The following PLD4 variants were observed in gnomAD, a reference collection of about 807,000 sequenced individuals.
The protein encoded by PLD4 is phospholipase D family member 4, also known as 5'-3' exonuclease PLD4.
A neutral mutation model predicts 52.3 loss-of-function variants in PLD4; 54 were observed. That is an observed-to-expected ratio of 1.03 (90% CI 0.83 to 1.30). PLD4 has a LOEUF of 1.30. PLD4 is among the 50% of genes most tolerant of loss of function. PLD4 has a pLI of 0.00. For missense variants in PLD4, 731 were observed against 671.1 expected (o/e 1.09, Z -0.99); for synonymous variants, 264 against 286.5 (o/e 0.92, Z 0.79).
chr14:104,932,127 C>CGGTCCCT lies in PLD4; in HGVS notation c.1176_1182dup (p.Gln395ValfsTer90). The CGGTCCCT allele has an allele frequency of 6.2e-7, 1 of 1,611,408 alleles. No individual in the cohort carries two copies. The highest frequency in any genetic ancestry group is 8.5e-7 in the Non-Finnish European group (1 of 1,179,378). Reference sequence around the variant, plus strand: ...GGACCCCACCATGTTCCCCTACCTGCGGTCCCTGCAGGCGCTCAGCAACCC... The same window carrying CGGTCCCT: ...GGACCCCACCATGTTCCCCTACCTGCGGTCCCTGGTCCCTGCAGGCGCTCAGCAACCC... On this transcript the variant is annotated frameshift_variant, in exon 9 of 11. Coordinates refer to ENST00000392593, the MANE Select transcript of PLD4 (RefSeq NM_138790.5). LOFTEE classifies it high-confidence loss of function. The surrounding 1 kb of genome is among the most constrained non-coding windows in gnomAD (Gnocchi z 6.5).
rs1469797446 is a variant in PLD4 at position 104,932,901 on chromosome 14, TTCGCGCTACGCCG to T, written c.1462_1474del (p.Arg488AlafsTer70). ...GGCAGCTCTTTGAGCGGGACTGGAG[TTCGCGCTACGCCG>T]TCGGCCTGGACGGACAGGCTCCGGG... On this transcript the variant is annotated frameshift_variant, in exon 11 of 11. Coordinates refer to ENST00000392593, the MANE Select transcript of PLD4 (RefSeq NM_138790.5). LOFTEE classifies it high-confidence loss of function. The surrounding 1 kb of genome is among the most constrained non-coding windows in gnomAD (Gnocchi z 6.5). 6.2e-7 allele frequency: 1 copy of T among 1,602,580 alleles called. No individual in the cohort carries two copies. Among genetic ancestry groups the T allele is most frequent in the South Asian group, 1.1e-5 (1 of 89,350 alleles).
downstream of PLD4, chr14:104,935,778 C>T (rs1566892713): frequency 6.6e-6 from 1 of 152,186 alleles, no homozygotes; most frequent in Admixed American, 6.5e-5. Context: ...CCTCCAGCCC[C>T]CAACTAGCAA....
At chr14:104,928,695 G>C in intron 3 of PLD4, 54 bp from the exon 4 acceptor site, 1 of 1,486,426 alleles carries the variant, frequency 6.7e-7, no homozygotes, top group South Asian at 1.3e-5. Context: ...GGTGATGTGA[G>C]GTGGGCTGGG....
At chr14:104,929,904 C>T (rs1314130280) in intron 5 of PLD4, 74 bp from the exon 6 acceptor site, 10 of 1,549,402 alleles carry the variant, frequency 6.5e-6, no homozygotes, top group African/African-American at 1.4e-5. Flanking sequence ...CTGTCAAGAG[C>T]TTGGGGTCAG....
Position 104,932,989 on chromosome 14 carries a change from A to C in PLD4, c.*25A>C. 6.5e-7 allele frequency: 1 copy of C among 1,527,610 alleles called. No homozygotes were observed. The highest frequency in any genetic ancestry group is 8.8e-7 in the Non-Finnish European group (1 of 1,139,500). The allele number at this position is 1,527,610 out of a possible 1,614,324, so 94.6% of individuals were successfully genotyped here. On this transcript the variant is annotated 3_prime_UTR_variant, in exon 11 of 11. Transcript: ENST00000392593. The surrounding 1 kb of genome is among the most constrained non-coding windows in gnomAD (Gnocchi z 6.5). ...AGGGGGGCCTCTTTTTCTCTCGGCG[A>C]CCCCGCCCCGCACGCGCCCTCCCCT...
chr14:104,928,616 ACTTGG>A, intron 3 of PLD4, 128 bp from the exon 4 acceptor site: 1 of 889,346 alleles, frequency 1.1e-6, no homozygotes, highest in Non-Finnish European at 1.7e-6. Context: ...TACCCTGCAC[ACTTGG>A]CCTGGGCTCA....
rs367836997 is a variant in PLD4 at position 104,928,213 on chromosome 14, G to A, written c.284+347G>A. The stretch of plus-strand genomic sequence containing the variant: ...TTCCCTCCCACCCTTCTTTCCCTGC[G>A]GTTGGGGTCCTGGAATCCCAGGACT... On this transcript the variant is annotated intron_variant, in intron 3 of 10. Coordinates refer to ENST00000392593, the MANE Select transcript of PLD4 (RefSeq NM_138790.5). Among the ~76,000 whole-genome samples the A allele has an allele frequency of 2.6e-5, 4 of 152,098 alleles. No homozygotes were observed. The East Asian group carries it at 5.8e-4, about 22-fold the overall frequency.
downstream of PLD4, chr14:104,934,151 G>T (rs536919621): frequency 6.0e-6 from 1 of 165,772 alleles, no homozygotes. Flanking sequence ...AGACAGGCGG[G>T]CGAGGGTAGG....
chr14:104,930,704 G>A, intron 6 of PLD4, 38 bp from the exon 7 acceptor site: 2 of 1,608,512 alleles, frequency 1.2e-6, no homozygotes, highest in Non-Finnish European at 1.7e-6. Context: ...CCCACAGAGG[G>A]GTTTTTCTCC....
rs762032870 is a variant in PLD4 at position 104,927,748 on chromosome 14, C to T, written c.166C>T (p.Arg56Cys). Residue 56 changes from arginine to cysteine, a missense_variant, in exon 3 of 11, where the codon CGT becomes TGT. Transcript: ENST00000392593. ...TATCTGCCTCCTGTGGCAAGTGCCC[C>T]GTCCTCCCACCTGGGGCCAGGTGCA... The part of the protein sequence containing the change: ...ALICLLWQVP[R>C]PPTWGQVQPK... The T allele has an allele frequency of 1.4e-5, 22 of 1,598,444 alleles. No homozygotes were observed. Among genetic ancestry groups the T allele is most frequent in the East Asian group, 4.5e-5 (2 of 44,534 alleles).
At chr14:104,928,662 TG>T in intron 3 of PLD4, 86 bp from the exon 4 acceptor site, 1 of 1,373,274 alleles carries the variant, frequency 7.3e-7, no homozygotes. Context: ...ACGGTTGCTC[TG>T]GCTTGGCAGT....
At chr14:104,935,148 TATC>T (rs1399309394), downstream of PLD4, 1 of 152,310 alleles carries the variant, frequency 6.6e-6, no homozygotes, top group East Asian at 1.9e-4. Context: ...CAGAAGCCGA[TATC>T]ATCCCAGACT....
Position 104,928,775 on chromosome 14 carries a change from A to T in PLD4, c.311A>T (p.Gln104Leu). The change falls in exon 4 of 11, where the codon CAG becomes CTG. Residue 104 changes from glutamine to leucine, a missense_variant. Gln to Leu is a moderately radical substitution (Grantham distance 113). Coordinates refer to ENST00000392593, the MANE Select transcript of PLD4 (RefSeq NM_138790.5). ...CTTGTCCTTGTGGAAAGCATCCCCC[A>T]GGACCTGCCATCTGCAGCCGGCAGC... ...CQLVLVESIP[Q>L]DLPSAAGSPS... 1 of 1,601,644 alleles carries T rather than the reference A, an allele frequency of 6.2e-7. No individual in the cohort carries two copies. The highest frequency in any genetic ancestry group is 8.5e-7 in the Non-Finnish European group (1 of 1,172,194).
At chr14:104,925,860 C>T (rs571513691) in intron 1 of PLD4, among the ~76,000 whole-genome samples, 1 of 152,078 alleles carries the variant, frequency 6.6e-6, no homozygotes, top group African/African-American at 2.4e-5. Flanking sequence ...GGGAGTTGGG[C>T]CGCAGTGACT....
chr14:104,932,422 C>G lies in PLD4; in HGVS notation c.1321+67C>G. 6.5e-7 allele frequency: 1 copy of G among 1,530,890 alleles called. No individual in the cohort carries two copies. Among genetic ancestry groups the G allele is most frequent in the Non-Finnish European group, 9.0e-7 (1 of 1,109,548 alleles). The allele number at this position is 1,530,890 out of a possible 1,614,324, so 94.8% of individuals were successfully genotyped here. A position where few individuals can be genotyped will look rare whatever the true frequency, so the allele number is the denominator to read the frequency against. On this transcript the variant is annotated intron_variant, in intron 10 of 10. Transcript: ENST00000392593. The surrounding 1 kb of genome is among the most constrained non-coding windows in gnomAD (Gnocchi z 6.5). ...CAGGCACGGGCGAGGGAGGCACTGGCTTTGTGACCGGCGTGGACACCTCAG... is the reference window on the plus strand; with the variant it reads ...CAGGCACGGGCGAGGGAGGCACTGGGTTTGTGACCGGCGTGGACACCTCAG...
intron 4 of PLD4, 64 bp downstream of exon 4, chr14:104,928,996 C>T: frequency 6.5e-7 from 1 of 1,534,636 alleles, no homozygotes; most frequent in Non-Finnish European, 8.8e-7. Flanking sequence ...GGCTGCCTAT[C>T]TATGCAGGCG....
chr14:104,931,960 ACCCCTATCGGG>A, intron 8 of PLD4, 41 bp from the exon 9 acceptor site: 1 of 1,527,182 alleles, frequency 6.5e-7, no homozygotes. Context: ...TCCTGCTGGG[ACCCCTATCGGG>A]CCCGGCTTGT....
chr14:104,928,650 C>T (rs1897534751), intron 3 of PLD4, 99 bp from the exon 4 acceptor site: 37 of 1,299,460 alleles, frequency 2.8e-5, no homozygotes, highest in Non-Finnish European at 3.8e-5. Flanking sequence ...GCCACCTGAG[C>T]AACGGTTGCT....
At chr14:104,929,820 C>T (rs1047921041) in intron 5 of PLD4, among the ~76,000 whole-genome samples, 158 bp from the exon 6 acceptor site, 9 of 152,168 alleles carry the variant, frequency 5.9e-5, no homozygotes, top group Non-Finnish European at 1.0e-4. Flanking sequence ...CCCTCTGTGT[C>T]CTCACCTATA....
Sources: gnomAD v4.1 joint callset for allele counts (sites outside exome capture counted in the v4.1 genomes callset) on GRCh38, gnomAD v4.1.1 for gene constraint, Gnocchi (gnomAD v3.1) non-coding constraint, MANE v1.5 for transcripts, NCBI Gene and HGNC (gene_info 2026-07-23, HGNC 2026-07-21) for gene names.